The following SLC9A9 variants were observed in gnomAD, a reference collection of about 807,000 sequenced individuals.
SLC9A9 encodes solute carrier family 9 member A9, also known as sodium/hydrogen exchanger 9.
In SLC9A9, 62 loss-of-function variants were observed where a neutral mutation model predicts 77.8. The ratio of observed to expected loss-of-function variants is 0.80; its 90% CI spans 0.65 to 0.98. The LOEUF is 0.98. Among genes scored for constraint, SLC9A9 ranks in the 50% least tolerant of loss-of-function variants. The probability of loss-of-function intolerance (pLI) is 0.00; values close to 1 mark genes in which losing one functional copy is unlikely to be tolerated. For synonymous variants in SLC9A9, 320 were observed against 283.5 expected (o/e 1.13, Z -1.29); for missense variants, 775 against 774.9 (o/e 1.00, Z 0.00).
intron 9 of SLC9A9, among the ~76,000 whole-genome samples, chr3:143,538,338 C>T (rs1330201310): frequency 6.6e-6 from 1 of 152,060 alleles, no homozygotes; most frequent in Non-Finnish European, 1.5e-5. Context: ...AAGCCAAAAC[C>T]CAAACAATAA....
intron 14 of SLC9A9, among the ~76,000 whole-genome samples, chr3:143,311,415 AC>A (rs1465049762): frequency 9.8e-5 from 15 of 152,310 alleles, no homozygotes; most frequent in Admixed American, 2.0e-4. Flanking sequence ...TGGGGCCTGA[AC>A]CCAGCATTCT....
chr3:143,809,716 T>A (rs570412340), intron 2 of SLC9A9, among the ~76,000 whole-genome samples: 1 of 152,244 alleles, frequency 6.6e-6, no homozygotes, highest in Non-Finnish European at 1.5e-5. Flanking sequence ...TCTTTTAAGA[T>A]ACAAATCTTA....
intron 2 of SLC9A9, among the ~76,000 whole-genome samples, chr3:143,820,909 T>TA (rs1352243775): frequency 1.4e-5 from 2 of 144,032 alleles, no homozygotes; most frequent in African/African-American, 5.4e-5. Context: ...TTTGTCTTAT[T>TA]TTTTTTTTTT....
chr3:143,274,443 C>T (rs1196887421), intron 14 of SLC9A9, among the ~76,000 whole-genome samples: 1 of 152,182 alleles, frequency 6.6e-6, no homozygotes, highest in Non-Finnish European at 1.5e-5. Flanking sequence ...TTGCTACATA[C>T]TGTGGGGTGC....
In SLC9A9 at chr3:143,679,478, A is replaced by G. The variant is rs115939755; in HGVS notation, c.649+13714T>C. On this transcript the variant is annotated intron_variant, in intron 5 of 15. Coordinates refer to ENST00000316549, the MANE Select transcript of SLC9A9 (RefSeq NM_173653.4). ...CACTATTGATATTTTAGACCAGACA[A>G]TTACCTGCAGTTGGGGGCCGTCTAG... Among the ~76,000 whole-genome samples the G allele has an allele frequency of 3.9e-3, 592 of 152,278 alleles. 3 individuals carry two copies. Among genetic ancestry groups the G allele is most frequent in the African/African-American group, 0.014 (563 of 41,546 alleles).
chr3:143,837,665 C>T (rs2009602644), intron 1 of SLC9A9, among the ~76,000 whole-genome samples: 1 of 152,190 alleles, frequency 6.6e-6, no homozygotes, highest in African/African-American at 2.4e-5. Flanking sequence ...GCCATATGCT[C>T]AGGGGAAGTT....
chr3:143,779,775 A>G (rs1404664174), intron 4 of SLC9A9, among the ~76,000 whole-genome samples: 2 of 152,242 alleles, frequency 1.3e-5, no homozygotes, highest in Admixed American at 1.3e-4. Context: ...ACACATTGTG[A>G]AGAGGGCAAA....
intron 6 of SLC9A9, among the ~76,000 whole-genome samples, chr3:143,621,379 T>C (rs2038210205): frequency 6.6e-6 from 1 of 152,218 alleles, no homozygotes; most frequent in Non-Finnish European, 1.5e-5. Flanking sequence ...AGGGGCAGAC[T>C]GACACCTCAC....
chr3:143,427,412 C>T (rs1330768302), intron 12 of SLC9A9, among the ~76,000 whole-genome samples: 1 of 152,200 alleles, frequency 6.6e-6, no homozygotes, highest in Non-Finnish European at 1.5e-5. Flanking sequence ...AATCATCTTC[C>T]TGTTGCATCA....
chr3:143,272,694 G>A (rs894165398), intron 14 of SLC9A9, among the ~76,000 whole-genome samples: 12 of 152,100 alleles, frequency 7.9e-5, no homozygotes, highest in African/African-American at 1.4e-4. Flanking sequence ...AAAACCCAAC[G>A]GCAGATTTTG....
At chr3:143,467,280 T>C in intron 11 of SLC9A9, 90 bp from the exon 12 acceptor site, 1 of 1,434,510 alleles carries the variant, frequency 7.0e-7, no homozygotes, top group East Asian at 2.4e-5. Context: ...CTGACACAAT[T>C]TTTTTAAATT....
intron 4 of SLC9A9, among the ~76,000 whole-genome samples, chr3:143,695,842 C>T (rs1933621992): frequency 6.6e-6 from 1 of 152,152 alleles, no homozygotes. Context: ...TAATGATTGC[C>T]ATTCTAACTG....
Position 143,596,278 on chromosome 3 carries a change from T to C in SLC9A9, c.756-17555A>G, listed in dbSNP as rs1446131399. On this transcript the variant is annotated intron_variant, in intron 6 of 15. Transcript: ENST00000316549. Reference sequence around the variant, plus strand: ...AAAGCAGATAATATAAATCCTAATCTCTTCTCAACGTGTGTGTGTGTATGT... The same window carrying C: ...AAAGCAGATAATATAAATCCTAATCCCTTCTCAACGTGTGTGTGTGTATGT... 2.0e-5 allele frequency among the ~76,000 whole-genome samples: 3 copies of C among 152,170 alleles called. No individual in the cohort carries two copies. In the East Asian group the frequency reaches 5.8e-4, roughly 29 times the overall value.
At chr3:143,706,132 T>C (rs1306620418) in intron 4 of SLC9A9, among the ~76,000 whole-genome samples, 3 of 152,368 alleles carry the variant, frequency 2.0e-5, no homozygotes, top group East Asian at 3.9e-4. Flanking sequence ...ATTTTTCCCC[T>C]GGACTGCAAA....
rs569077419 is a variant in SLC9A9 at position 143,829,466 on chromosome 3, C to A, written c.378+2553G>T. ...TCTGAGTTCAATCCCTACTGCCTAC[C>A]CAAAGCCCTTCTCAAGTGCCATCTC... On this transcript the variant is annotated intron_variant, in intron 2 of 15. Coordinates refer to ENST00000316549, the MANE Select transcript of SLC9A9 (RefSeq NM_173653.4). Among the ~76,000 whole-genome samples, 13 of 152,206 alleles carry A rather than the reference C, an allele frequency of 8.5e-5. 1 individual carries two copies. The highest frequency in any genetic ancestry group is 2.6e-4 in the Admixed American group (4 of 15,266).
chr3:143,712,785 C>T (rs1219254074), intron 4 of SLC9A9, among the ~76,000 whole-genome samples: 1 of 152,144 alleles, frequency 6.6e-6, no homozygotes. Context: ...CAAGAAAAGC[C>T]TTTAGTAAGC....
At position 143,705,060 on chromosome 3, in the gene SLC9A9, TATATAG is replaced by T. The variant is rs1412665604; in HGVS notation, c.534-11759_534-11754del. 9.2e-4 allele frequency among the ~76,000 whole-genome samples: 97 copies of T among 105,254 alleles called. 1 individual carries two copies. The East Asian group carries it at 0.021, about 23-fold the overall frequency. 69.1% of individuals were successfully genotyped at this position (105,254 alleles called of 152,430 possible). Reference sequence around the variant, plus strand: ...CTATCTATATAGATATAGATATAGATATATAGATATATATATTATGATACATATACA... The same window carrying T: ...CTATCTATATAGATATAGATATAGATATATATATATTATGATACATATACA... On this transcript the variant is annotated intron_variant, in intron 4 of 15. Coordinates refer to ENST00000316549, the MANE Select transcript of SLC9A9 (RefSeq NM_173653.4).
chr3:143,774,944 C>G (rs1449149336), intron 4 of SLC9A9, among the ~76,000 whole-genome samples: 1 of 152,148 alleles, frequency 6.6e-6, no homozygotes, highest in African/African-American at 2.4e-5. Flanking sequence ...CACAGTAGTG[C>G]TCCACCACGA....
intron 5 of SLC9A9, among the ~76,000 whole-genome samples, chr3:143,685,540 AATGCAGCTGCATC>A (rs1933237244): frequency 6.6e-6 from 1 of 152,186 alleles, no homozygotes; most frequent in South Asian, 2.1e-4. Context: ...TTTGAGTCTC[AATGCAGCTGCATC>A]ATGTAAAATG....
Sources: gnomAD v4.1 joint callset for allele counts (sites outside exome capture counted in the v4.1 genomes callset) on GRCh38, gnomAD v4.1.1 for gene constraint, MANE v1.5 for transcripts, NCBI Gene and HGNC (gene_info 2026-07-23, HGNC 2026-07-21) for gene names.